Variants in AQP3 observed in about 807,000 individuals in gnomAD.
The protein encoded by AQP3 is aquaporin 3 (Gill blood group), also known as aquaporin-3.
AQP3 carries 15 observed loss-of-function variants against 30.3 expected under a neutral mutation model. The ratio of observed to expected loss-of-function variants is 0.49; its 90% CI spans 0.33 to 0.76. The LOEUF is 0.76. Among genes scored for constraint, AQP3 ranks in the 30% least tolerant of loss-of-function variants. The probability of loss-of-function intolerance (pLI) is 0.02; values close to 1 mark genes in which losing one functional copy is unlikely to be tolerated. For missense variants in AQP3, 272 were observed against 384.8 expected (o/e 0.71, Z 2.45); for synonymous variants, 153 against 163.2 (o/e 0.94, Z 0.47).
chr9:33,447,376 G>T (rs1182321325), intron 1 of AQP3, 47 bp downstream of exon 1: 1 of 1,480,774 alleles, frequency 6.8e-7, no homozygotes, highest in Non-Finnish European at 9.3e-7. Flanking sequence ...AGTTTGGGGA[G>T]TGCAAGGGCT....
Position 33,443,615 on chromosome 9 carries a change from C to T in AQP3, c.235+151G>A, listed in dbSNP as rs957970172. The T allele has an allele frequency of 6.8e-6, 10 of 1,465,038 alleles. No individual in the cohort carries two copies. The highest frequency in any genetic ancestry group is 3.7e-5 in the South Asian group (3 of 82,028). 90.8% of individuals were successfully genotyped at this position (1,465,038 alleles called of 1,614,324 possible). A position where few individuals can be genotyped will look rare whatever the true frequency, so the allele number is the denominator to read the frequency against. On this transcript the variant is annotated intron_variant, in intron 2 of 5. Coordinates refer to ENST00000297991, the MANE Select transcript of AQP3 (RefSeq NM_004925.5). The surrounding 1 kb of genome is among the most constrained non-coding windows in gnomAD (Gnocchi z 5.0). The stretch of plus-strand genomic sequence containing the variant: ...TAATCTCTGATTCCAAGGTGAGAGT[C>T]GAAAGTTCTAAGTGTCAAGTTTCTT...
Position 33,442,584 on chromosome 9 carries a change from C to T in AQP3, c.493-66G>A, listed in dbSNP as rs1826853794. ...CTTTCTCTGACCCCTCCTTCCATCC[C>T]CCGTCTTCCCTCTAGCTCTTAAACT... On this transcript the variant is annotated intron_variant, in intron 4 of 5. Coordinates refer to ENST00000297991, the MANE Select transcript of AQP3 (RefSeq NM_004925.5). 6.2e-6 allele frequency: 9 copies of T among 1,461,550 alleles called. No homozygotes were observed. The Admixed American group carries it at 9.7e-5, about 16-fold the overall frequency. 90.5% of individuals were successfully genotyped at this position (1,461,550 alleles called of 1,614,324 possible). A position where few individuals can be genotyped will look rare whatever the true frequency, so the allele number is the denominator to read the frequency against.
rs2118971935 is a variant in AQP3, at chr9:33,443,921, G to A, written c.109-29C>T. The A allele has an allele frequency of 6.2e-7, 1 of 1,608,774 alleles. No individual in the cohort carries two copies. Among genetic ancestry groups the A allele is most frequent in the Middle Eastern group, 1.8e-4 (1 of 5,564 alleles). ...TCAGGAAGAAGAACAGGCAGGGAGGGTGAGGACCAGCAACTCTCACTCCAG... is the reference window on the plus strand; with the variant it reads ...TCAGGAAGAAGAACAGGCAGGGAGGATGAGGACCAGCAACTCTCACTCCAG... On this transcript the variant is annotated intron_variant, in intron 1 of 5. Coordinates refer to ENST00000297991, the MANE Select transcript of AQP3 (RefSeq NM_004925.5). The surrounding 1 kb of genome is among the most constrained non-coding windows in gnomAD (Gnocchi z 5.0).
intron 1 of AQP3, among the ~76,000 whole-genome samples, chr9:33,444,519 GA>G (rs1425986070): frequency 6.6e-6 from 1 of 150,822 alleles, no homozygotes; most frequent in Middle Eastern, 3.2e-3. Flanking sequence ...AGAATCACTT[GA>G]AAATGGGAGG....
chr9:33,442,685 G>C, intron 4 of AQP3, 167 bp from the exon 5 acceptor site: 1 of 1,059,138 alleles, frequency 9.4e-7, no homozygotes, highest in Non-Finnish European at 1.4e-6. Flanking sequence ...ACCCGCTGGA[G>C]AGCCGCATGT....
chr9:33,441,871 G>C lies in AQP3; in HGVS notation c.*172C>G, dbSNP rs770011362. On this transcript the variant is annotated 3_prime_UTR_variant, in exon 6 of 6. Coordinates refer to ENST00000297991, the MANE Select transcript of AQP3 (RefSeq NM_004925.5). ...GGGGCAGTGGCCTAAGGTGCTATTT[G>C]GGCAAGGTCCAGTGGAAATCCTGAA... 30 of 1,098,466 alleles carry C rather than the reference G, an allele frequency of 2.7e-5. No individual in the cohort carries two copies. In the African/African-American group the frequency reaches 4.2e-4, roughly 15 times the overall value. 68.0% of individuals were successfully genotyped at this position (1,098,466 alleles called of 1,614,324 possible). A position where few individuals can be genotyped will look rare whatever the true frequency, so the allele number is the denominator to read the frequency against.
chr9:33,443,850 C>T lies in AQP3; in HGVS notation c.151G>A (p.Gly51Ser). 6.2e-7 allele frequency: 1 copy of T among 1,613,964 alleles called. No homozygotes were observed. ...GSVAQVVLSR[G>S]THGGFLTINL... ...ATGGTGAGGAAACCACCGTGGGTGC[C>T]CCGGCTGAGCACAACCTGGGCCACG... The change falls in exon 2 of 6, where the codon GGC (glycine) becomes AGC (serine). Residue 51 changes from glycine (G) to serine (S), a missense_variant. Around this residue, in one of 3 missense-constraint regions of AQP3, gnomAD observed 170 missense variants for 286.4 expected, o/e 0.59. Transcript: ENST00000297991. This position sits in a 1 kb window ranked among gnomAD's most constrained non-coding sequence, Gnocchi z 5.0.
chr9:33,442,595 TC>T, intron 4 of AQP3, 77 bp from the exon 5 acceptor site: 1 of 1,430,336 alleles, frequency 7.0e-7, no homozygotes, highest in Non-Finnish European at 9.6e-7. Context: ...CCGTCTTCCC[TC>T]TAGCTCTTAA....
At chr9:33,447,339 A>G (rs1826929072) in intron 1 of AQP3, 84 bp downstream of exon 1, 3 of 1,283,526 alleles carry the variant, frequency 2.3e-6, no homozygotes. Flanking sequence ...GCTACCTTGG[A>G]AAACACAGCC....
rs1465944747 is a variant in AQP3, at chr9:33,442,085, C to A, written c.837G>T (p.Glu279Asp). Residue 279 changes from glutamate (E) to aspartate (D), a missense_variant, in exon 6 of 6, where the codon GAG (glutamate) becomes GAT (aspartate). Transcript: ENST00000297991. ...LEQPPPSNEE[E>D]NVKLAHVKHK... ...GCTTCACATGGGCCAGCTTCACATT[C>A]TCTTCCTCGTTGGAGGGTGGGGGCT... 4 of 1,613,980 alleles carry A rather than the reference C, an allele frequency of 2.5e-6. No individual in the cohort carries two copies. The East Asian group carries it at 6.7e-5, about 27-fold the overall frequency.
In AQP3 at chr9:33,441,403, A is replaced by C. The variant is rs1587195730; in HGVS notation, c.*640T>G. On this transcript the variant is annotated 3_prime_UTR_variant, in exon 6 of 6. Coordinates refer to ENST00000297991, the MANE Select transcript of AQP3 (RefSeq NM_004925.5). ...GACAGAAACACGTCCCACTGCTCCT[A>C]CTTATGTATGTACATCCAGAGCTCC... 6.5e-6 allele frequency: 1 copy of C among 153,816 alleles called. No homozygotes were observed. The highest frequency in any genetic ancestry group is 2.1e-4 in the South Asian group (1 of 4,816). The allele number at this position is 153,816 out of a possible 1,614,324, so 9.5% of individuals were successfully genotyped here. A position where few individuals can be genotyped will look rare whatever the true frequency, so the allele number is the denominator to read the frequency against.
Position 33,442,855 on chromosome 9 carries a change from G to A in AQP3, c.489C>T (p.Asp163=). 6.2e-7 allele frequency: 1 copy of A among 1,613,566 alleles called. No homozygotes were observed. Among genetic ancestry groups the A allele is most frequent in the Middle Eastern group, 1.6e-4 (1 of 6,062 alleles). ...GHLDMINGFF[D]QFIGTASLIV... is the part of the protein sequence containing the mutation. ...CTCACACGTCCCCAGCCCATACCTG[G>A]TCAAAGAAGCCATTGATCATATCCA... Residue 163 remains aspartate, a synonymous_variant, in exon 4 of 6, where the codon GAC becomes GAT. Transcript: ENST00000297991.
chr9:33,442,559 C>A, intron 4 of AQP3, 41 bp from the exon 5 acceptor site: 1 of 1,540,974 alleles, frequency 6.5e-7, no homozygotes. Flanking sequence ...AGCTCCCTCC[C>A]TTTCTCTGAC....
chr9:33,442,787 C>T (rs1826857745), intron 4 of AQP3, 65 bp downstream of exon 4: 2 of 1,482,828 alleles, frequency 1.3e-6, no homozygotes, highest in South Asian at 1.1e-5. Flanking sequence ...CCCCAACCAG[C>T]CCATGAGCTA....
In AQP3 at chr9:33,441,334, A is replaced by G. The variant is rs1273714020; in HGVS notation, c.*709T>C. 6.5e-6 allele frequency: 1 copy of G among 153,312 alleles called. No individual in the cohort carries two copies. The highest frequency in any genetic ancestry group is 6.5e-5 in the Admixed American group (1 of 15,284). The allele number at this position is 153,312 out of a possible 1,614,324, so 9.5% of individuals were successfully genotyped here. The stretch of plus-strand genomic sequence containing the variant: ...ACAAAACAAAACAAAAGCAAACATG[A>G]AACTTATGACCTGACTTCACTCCAC... On this transcript the variant is annotated 3_prime_UTR_variant, in exon 6 of 6. Coordinates refer to ENST00000297991, the MANE Select transcript of AQP3 (RefSeq NM_004925.5).
In AQP3 at chr9:33,442,354, G is replaced by T; in HGVS notation, c.657C>A (p.Asp219Glu). The change falls in exon 5 of 6, where the codon GAC becomes GAA. Residue 219 changes from aspartate (D) to glutamate (E), a missense_variant. This residue lies in a region of AQP3 where 170 missense variants were observed against 286.4 expected (regional missense o/e 0.59). Transcript: ENST00000297991. ...NSGYAVNPARDFGPRLFTALA... is the reference protein window; with the variant it reads ...NSGYAVNPAREFGPRLFTALA... ...GGGCTGTAAAAAGGCGGGGGCCAAA[G>T]TCCCGGGCAGGGTTGACGGCATAGC... The T allele has an allele frequency of 6.2e-7, 1 of 1,612,668 alleles. No homozygotes were observed. The highest frequency in any genetic ancestry group is 8.5e-7 in the Non-Finnish European group (1 of 1,179,532).
rs58994930 is a variant in AQP3 at position 33,441,704 on chromosome 9, A to ACCC, written c.*336_*338dup. ...GGTCCCTTGCCCTGAATATCTGGGA[A>ACCC]CCCCCCCCACACACACACACCCCTG... On this transcript the variant is annotated 3_prime_UTR_variant, in exon 6 of 6. Coordinates refer to ENST00000297991, the MANE Select transcript of AQP3 (RefSeq NM_004925.5). The ACCC allele has an allele frequency of 3.0e-4, 115 of 386,856 alleles. 1 individual carries two copies. Among genetic ancestry groups the ACCC allele is most frequent in the African/African-American group, 2.6e-3 (90 of 34,956 alleles). The allele number at this position is 386,856 out of a possible 1,614,324, so 24.0% of individuals were successfully genotyped here.
chr9:33,443,197 T>C lies in AQP3; in HGVS notation c.373+124A>G. ...CCCCTACCTTGACCCTGTGCGTGAA[T>C]GAGTGAGTCATGAGCCCGGGGCCTG... On this transcript the variant is annotated intron_variant, in intron 3 of 5. Coordinates refer to ENST00000297991, the MANE Select transcript of AQP3 (RefSeq NM_004925.5). The surrounding 1 kb of genome is among the most constrained non-coding windows in gnomAD (Gnocchi z 5.0). 1.4e-6 allele frequency: 2 copies of C among 1,402,918 alleles called. No homozygotes were observed. The highest frequency in any genetic ancestry group is 2.0e-6 in the Non-Finnish European group (2 of 1,015,530). The allele number at this position is 1,402,918 out of a possible 1,614,324, so 86.9% of individuals were successfully genotyped here. A position where few individuals can be genotyped will look rare whatever the true frequency, so the allele number is the denominator to read the frequency against.
Position 33,443,184 on chromosome 9 carries a change from C to T in AQP3, c.373+137G>A. 2 of 1,351,782 alleles carry T rather than the reference C, an allele frequency of 1.5e-6. No individual in the cohort carries two copies. The highest frequency in any genetic ancestry group is 2.1e-6 in the Non-Finnish European group (2 of 971,224). 83.7% of individuals were successfully genotyped at this position (1,351,782 alleles called of 1,614,324 possible). A position where few individuals can be genotyped will look rare whatever the true frequency, so the allele number is the denominator to read the frequency against. On this transcript the variant is annotated intron_variant, in intron 3 of 5. Coordinates refer to ENST00000297991, the MANE Select transcript of AQP3 (RefSeq NM_004925.5). This position sits in a 1 kb window ranked among gnomAD's most constrained non-coding sequence, Gnocchi z 5.0. Reference sequence around the variant, plus strand: ...TTTCCCTTCGTGCCCCCTACCTTGACCCTGTGCGTGAATGAGTGAGTCATG... The same window carrying T: ...TTTCCCTTCGTGCCCCCTACCTTGATCCTGTGCGTGAATGAGTGAGTCATG...
Sources: allele counts gnomAD v4.1 joint callset (sites outside exome capture counted in the v4.1 genomes callset), GRCh38; gene constraint gnomAD v4.1.1; regional missense constraint gnomAD v4.1.1; non-coding constraint Gnocchi (gnomAD v3.1); transcripts MANE v1.5; gene names NCBI Gene and HGNC (gene_info 2026-07-23, HGNC 2026-07-21).